Variants in RAD51B observed in about 807,000 individuals in gnomAD.
RAD51B encodes DNA repair protein RAD51 homolog 2.
Under a neutral mutation model 42.2 loss-of-function variants are expected in RAD51B, and 38 were observed. That is an observed-to-expected ratio of 0.90 (90% confidence interval 0.70 to 1.18). The LOEUF is 1.18. Ranked by LOEUF, RAD51B falls within the 50% of genes most tolerant of loss-of-function variation. RAD51B has a pLI of 0.00. For synonymous variants in RAD51B, 154 were observed against 145.2 expected, an observed-to-expected ratio of 1.06 and a Z score of -0.43; for missense variants, 373 against 400.7, an observed-to-expected ratio of 0.93 and a Z score of 0.59.
At chr14:68,556,696 A>G (rs1450474283) in intron 10 of RAD51B, among the ~76,000 whole-genome samples, 2 of 152,208 alleles carry the variant, frequency 1.3e-5, no homozygotes, top group Admixed American at 1.3e-4. Context: ...AGATCACATT[A>G]GGCCTGAAAA....
intron 7 of RAD51B, among the ~76,000 whole-genome samples, chr14:68,165,085 G>A (rs2078721359): frequency 6.6e-6 from 1 of 152,196 alleles, no homozygotes; most frequent in Non-Finnish European, 1.5e-5. Context: ...TACCTTTGGA[G>A]TTGAACTCAG....
intron 7 of RAD51B, among the ~76,000 whole-genome samples, chr14:68,154,309 C>T (rs2078453487): frequency 6.6e-6 from 1 of 152,162 alleles, no homozygotes; most frequent in Admixed American, 6.5e-5. Context: ...GCTAATCATT[C>T]CCCACCATCA....
At chr14:68,428,156 C>G (rs2140126588) in intron 9 of RAD51B, among the ~76,000 whole-genome samples, 1 of 152,224 alleles carries the variant, frequency 6.6e-6, no homozygotes, top group East Asian at 1.9e-4. Context: ...AATTTCTGTT[C>G]ATTATAAATT....
At chr14:68,465,962 AT>A (rs1422791682) in intron 9 of RAD51B, among the ~76,000 whole-genome samples, 39 of 98,382 alleles carry the variant, frequency 4.0e-4, no homozygotes, top group Non-Finnish European at 5.8e-4. Context: ...AAATAAATAA[AT>A]AAATAAATAA....
intron 10 of RAD51B, among the ~76,000 whole-genome samples, chr14:68,548,983 C>A (rs935654725): frequency 2.0e-5 from 3 of 152,148 alleles, no homozygotes; most frequent in Non-Finnish European, 2.9e-5. Flanking sequence ...ACCTAATTTG[C>A]ATTTGATTAC....
At chr14:68,535,603 A>G (rs1170536652) in intron 10 of RAD51B, among the ~76,000 whole-genome samples, 2 of 152,154 alleles carry the variant, frequency 1.3e-5, no homozygotes, top group Non-Finnish European at 2.9e-5. Context: ...TACAGATTCC[A>G]ACTACAAAAA....
intron 7 of RAD51B, among the ~76,000 whole-genome samples, chr14:67,978,322 C>A (rs559184124): frequency 6.6e-6 from 1 of 152,102 alleles, no homozygotes; most frequent in East Asian, 1.9e-4. Flanking sequence ...ACCTTTTATC[C>A]TTATAGTTAA....
At chr14:68,605,191 C>T (rs1891396493) in intron 10 of RAD51B, among the ~76,000 whole-genome samples, 1 of 152,194 alleles carries the variant, frequency 6.6e-6, no homozygotes, top group African/African-American at 2.4e-5. Flanking sequence ...ATCAAGGTGT[C>T]ACAGCAGGGC....
At chr14:68,135,035 C>T (rs897068609) in intron 7 of RAD51B, among the ~76,000 whole-genome samples, 2 of 152,028 alleles carry the variant, frequency 1.3e-5, no homozygotes, top group African/African-American at 4.8e-5. Context: ...GCCAAATTAC[C>T]TGCTCTACCT....
intron 7 of RAD51B, among the ~76,000 whole-genome samples, chr14:67,986,254 A>G (rs1239130173): frequency 1.6e-4 from 24 of 152,262 alleles, no homozygotes; most frequent in Admixed American, 1.6e-3. Context: ...AAAAGTTCTT[A>G]CATATCCCAT....
chr14:68,202,095 A>G (rs1437405578), intron 7 of RAD51B, among the ~76,000 whole-genome samples: 2 of 152,262 alleles, frequency 1.3e-5, no homozygotes, highest in Admixed American at 1.3e-4. Flanking sequence ...TAGACTCTTA[A>G]GTGTACAGTA....
chr14:68,519,448 T>C (rs1886416055), intron 10 of RAD51B, among the ~76,000 whole-genome samples: 1 of 152,228 alleles, frequency 6.6e-6, no homozygotes, highest in East Asian at 1.9e-4. Flanking sequence ...GGCGTGCATC[T>C]GACTCTTGGC....
intron 7 of RAD51B, among the ~76,000 whole-genome samples, chr14:67,951,693 C>A (rs1255651523): frequency 6.6e-6 from 1 of 152,086 alleles, no homozygotes; most frequent in Non-Finnish European, 1.5e-5. Flanking sequence ...TTAACCATAC[C>A]ACATGTTTTT....
chr14:68,316,296 C>T (rs1353377108), intron 8 of RAD51B, among the ~76,000 whole-genome samples: 2 of 152,184 alleles, frequency 1.3e-5, no homozygotes, highest in Admixed American at 1.3e-4. Context: ...TTGAAGTGGA[C>T]AAACAAATGG....
chr14:67,834,324 A>G (rs1290037300), intron 3 of RAD51B, among the ~76,000 whole-genome samples: 1 of 146,626 alleles, frequency 6.8e-6, no homozygotes, highest in Non-Finnish European at 1.5e-5. Flanking sequence ...ACATCTGCAA[A>G]CACCCATTTT....
At chr14:68,249,913 C>T (rs751056915) in intron 7 of RAD51B, among the ~76,000 whole-genome samples, 1 of 152,250 alleles carries the variant, frequency 6.6e-6, no homozygotes, top group Non-Finnish European at 1.5e-5. Flanking sequence ...ATATTAATCT[C>T]AGGCCACCGC....
At chr14:68,035,328 A>C (rs1468335412) in intron 7 of RAD51B, among the ~76,000 whole-genome samples, 1 of 152,116 alleles carries the variant, frequency 6.6e-6, no homozygotes, top group Admixed American at 6.6e-5. Flanking sequence ...TGAAAACATA[A>C]ACTGATAAAA....
At chr14:68,067,675 G>A (rs537857802) in intron 7 of RAD51B, among the ~76,000 whole-genome samples, 7 of 151,694 alleles carry the variant, frequency 4.6e-5, no homozygotes, top group African/African-American at 7.3e-5. Flanking sequence ...TAAAGTTAAC[G>A]TATTTAAAGT....
intron 7 of RAD51B, among the ~76,000 whole-genome samples, chr14:68,101,889 T>A (rs2077296552): frequency 1.3e-5 from 2 of 152,238 alleles, no homozygotes; most frequent in African/African-American, 4.8e-5. Context: ...TTATGAGGGC[T>A]CCACCTCTAC....
Sources: allele counts gnomAD v4.1 joint callset (sites outside exome capture counted in the v4.1 genomes callset), GRCh38; gene constraint gnomAD v4.1.1; transcripts MANE v1.5; gene names NCBI Gene and HGNC (gene_info 2026-07-23, HGNC 2026-07-21).